The following RRBP1 variants were observed in gnomAD, a reference collection of about 807,000 sequenced individuals.
The protein encoded by RRBP1 is ribosome-binding protein 1.
RRBP1 carries 94 observed loss-of-function variants against 165.2 expected under a neutral mutation model. The observed-to-expected ratio is 0.57, with a 90% CI of 0.48 to 0.68. The LOEUF (loss-of-function observed/expected upper bound fraction) is 0.68. RRBP1 is among the 30% of genes least tolerant of loss of function. The pLI is 0.00. For synonymous variants in RRBP1, 680 were observed against 714.5 expected (o/e 0.95, Z 0.77); for missense variants, 1,676 against 1,763.0 (o/e 0.95, Z 0.88).
At position 17,614,700 on chromosome 20, in the gene RRBP1, C is replaced by T. The variant is rs201165285; in HGVS notation, c.4194+37G>A. 2.5e-5 allele frequency: 40 copies of T among 1,604,672 alleles called. No individual in the cohort carries two copies. The Admixed American group carries it at 3.5e-4, about 14-fold the overall frequency. ...TGCCTCCCCGGGGCTCCCGGCAGCT[C>T]GACTCCTCCCGCCCTGCTTTGGCGC... On this transcript the variant is annotated intron_variant, in intron 24 of 24. Transcript: ENST00000377813.
chr20:17,678,084 CAT>C (rs914729040), intron 2 of RRBP1, among the ~76,000 whole-genome samples: 54 of 152,306 alleles, frequency 3.5e-4, no homozygotes, highest in African/African-American at 1.2e-3. Context: ...GTGGAAGACA[CAT>C]GTTACTGAAT....
chr20:17,653,556 C>T (rs2036595729), intron 3 of RRBP1, among the ~76,000 whole-genome samples: 1 of 152,212 alleles, frequency 6.6e-6, no homozygotes, highest in Admixed American at 6.5e-5. Flanking sequence ...CTGGCCCTGG[C>T]CAGGCGCGGT....
At chr20:17,671,243 T>C (rs536684482) in intron 2 of RRBP1, among the ~76,000 whole-genome samples, 2 of 152,364 alleles carry the variant, frequency 1.3e-5, no homozygotes, top group African/African-American at 4.8e-5. Flanking sequence ...CTTTAAAATC[T>C]ATGTCAACAA....
chr20:17,616,481 C>T (rs2035801997), intron 21 of RRBP1, among the ~76,000 whole-genome samples: 1 of 152,184 alleles, frequency 6.6e-6, no homozygotes, highest in South Asian at 2.1e-4. Flanking sequence ...GGTGCAGACC[C>T]CAAATCACGG....
At chr20:17,630,327 C>T (rs1032758034) in intron 8 of RRBP1, among the ~76,000 whole-genome samples, 2 of 152,190 alleles carry the variant, frequency 1.3e-5, no homozygotes, top group Non-Finnish European at 2.9e-5. Flanking sequence ...CTCCCAGGGG[C>T]GGACAGCTTG....
rs1233747183 is a variant in RRBP1 at position 17,629,817 on chromosome 20, C to T, written c.2749+6G>A. ...GAACCCCCGGCCCCACTGCCGCCGC[C>T]CTTACCGGCCATCTGCTGCTGTTGC... On this transcript the variant is annotated splice_donor_region_variant and intron_variant, in intron 9 of 24. Transcript: ENST00000377813. 1.3e-6 allele frequency: 2 copies of T among 1,595,918 alleles called. No homozygotes were observed. The highest frequency in any genetic ancestry group is 8.5e-7 in the Non-Finnish European group (1 of 1,177,792).
intron 16 of RRBP1, 76 bp from the exon 17 acceptor site, chr20:17,620,883 T>C: frequency 9.0e-7 from 1 of 1,115,068 alleles, no homozygotes; most frequent in Non-Finnish European, 1.3e-6. Context: ...TTCCTGTCCC[T>C]GCAGCCCTGG....
At chr20:17,657,245 A>C (rs1056535549) in intron 3 of RRBP1, among the ~76,000 whole-genome samples, 1 of 152,268 alleles carries the variant, frequency 6.6e-6, no homozygotes, top group African/African-American at 2.4e-5. Context: ...AGGGCTTTCA[A>C]GGCCACCTGA....
At position 17,636,643 on chromosome 20, in the gene RRBP1, A is replaced by G. The variant is rs2036253683; in HGVS notation, c.2271T>C (p.Ala757=). ...QLVAREQEIT[A]VQARMQASYR... ...AGCTGGCCTGCATGCGTGCCTGCAC[A>G]GCCGTGATCTCCTGCTCCCGGGCCA... is the stretch of plus-strand genomic sequence containing the variant. The change falls in exon 6 of 25, where the codon GCT becomes GCC. Residue 757 remains alanine (A), a synonymous_variant. Coordinates refer to ENST00000377813, the MANE Select transcript of RRBP1 (RefSeq NM_001365613.2). 6.2e-7 allele frequency: 1 copy of G among 1,613,128 alleles called. No homozygotes were observed. Among genetic ancestry groups the G allele is most frequent in the South Asian group, 1.1e-5 (1 of 91,094 alleles).
chr20:17,660,694 GCTC>G (rs2036749133), intron 2 of RRBP1, among the ~76,000 whole-genome samples, 166 bp from the exon 3 acceptor site: 1 of 152,192 alleles, frequency 6.6e-6, no homozygotes, highest in Admixed American at 6.5e-5. Flanking sequence ...ATTCTCACCT[GCTC>G]CTCTTTAGGA....
chr20:17,616,741 G>T lies in RRBP1; in HGVS notation c.3858C>A (p.Asp1286Glu), dbSNP rs1568750258. 6.2e-7 allele frequency: 1 copy of T among 1,608,744 alleles called. No homozygotes were observed. Among genetic ancestry groups the T allele is most frequent in the Non-Finnish European group, 8.5e-7 (1 of 1,177,142 alleles). Reference sequence around the variant, plus strand: ...AGCTCACCGCCCTAACCTGAACGGGGTCCTGCTCGGCTGGGGGCGCCTCTG... The same window carrying T: ...AGCTCACCGCCCTAACCTGAACGGGTTCCTGCTCGGCTGGGGGCGCCTCTG... ...SSPEAPPAEQ[D>E]PVQLKTQLEW... is the part of the protein sequence containing the mutation. Residue 1286 changes from aspartate to glutamate, a missense_variant, in exon 21 of 25, where the codon GAC (aspartate) becomes GAA (glutamate). Coordinates refer to ENST00000377813, the MANE Select transcript of RRBP1 (RefSeq NM_001365613.2).
intron 11 of RRBP1, among the ~76,000 whole-genome samples, chr20:17,626,062 G>A (rs1283623958): frequency 1.3e-5 from 2 of 152,204 alleles, no homozygotes; most frequent in African/African-American, 4.8e-5. Context: ...GGCAGCCACT[G>A]CCCGAATTCT....
At chr20:17,670,059 C>A (rs2036947180) in intron 2 of RRBP1, among the ~76,000 whole-genome samples, 1 of 152,038 alleles carries the variant, frequency 6.6e-6, no homozygotes, top group South Asian at 2.1e-4. Context: ...TTTACTAAAG[C>A]CTTTTTGCAG....
intron 9 of RRBP1, 111 bp from the exon 10 acceptor site, chr20:17,627,793 C>T (rs1008773314): frequency 3.7e-5 from 37 of 1,012,232 alleles, no homozygotes; most frequent in Non-Finnish European, 5.0e-5. Flanking sequence ...AGGGCTTCCT[C>T]CTGCCTCCTC....
chr20:17,644,544 C>T lies in RRBP1; in HGVS notation c.1913-1417G>A, dbSNP rs571807575. On this transcript the variant is annotated intron_variant, in intron 3 of 24. Transcript: ENST00000377813. ...GGTGCGTGTCTACTGCCAGCACTTT[C>T]CAGGAGACAGAGGTCACTTGTTTCA... Among the ~76,000 whole-genome samples, 9 of 152,336 alleles carry T rather than the reference C, an allele frequency of 5.9e-5. No homozygotes were observed. The East Asian group carries it at 7.7e-4, about 13-fold the overall frequency.
At chr20:17,651,623 G>A (rs942506012) in intron 3 of RRBP1, among the ~76,000 whole-genome samples, 44 of 152,224 alleles carry the variant, frequency 2.9e-4, no homozygotes, top group African/African-American at 1.1e-3. Flanking sequence ...GGGTGCCCAT[G>A]TGAAGAGCAC....
chr20:17,631,574 G>T (rs766988815), intron 8 of RRBP1, among the ~76,000 whole-genome samples: 1 of 152,262 alleles, frequency 6.6e-6, no homozygotes, highest in Non-Finnish European at 1.5e-5. Context: ...TTTCAGAAGC[G>T]GGTCCCGTGG....
At chr20:17,645,390 AC>A (rs2036446096) in intron 3 of RRBP1, among the ~76,000 whole-genome samples, 1 of 152,212 alleles carries the variant, frequency 6.6e-6, no homozygotes, top group Admixed American at 6.5e-5. Flanking sequence ...AACTTGCAAC[AC>A]GCGAAACAAA....
intron 20 of RRBP1, among the ~76,000 whole-genome samples, chr20:17,617,782 G>A (rs971506606): frequency 1.3e-5 from 2 of 152,228 alleles, no homozygotes; most frequent in African/African-American, 4.8e-5. Flanking sequence ...GGCTGCTGCA[G>A]GGGGAATGCC....
Sources: allele counts gnomAD v4.1 joint callset (sites outside exome capture counted in the v4.1 genomes callset), GRCh38; gene constraint gnomAD v4.1.1; transcripts MANE v1.5; gene names NCBI Gene and HGNC (gene_info 2026-07-23, HGNC 2026-07-21).